The following NELL1 variants were observed in gnomAD, a reference collection of about 807,000 sequenced individuals.
The protein encoded by NELL1 is protein kinase C-binding protein NELL1.
Under a neutral mutation model 107.4 loss-of-function variants are expected in NELL1, and 76 were observed. The observed-to-expected ratio is 0.71, with a 90% CI of 0.59 to 0.86. NELL1 has a LOEUF of 0.86. Ranked by LOEUF, NELL1 falls within the 40% of genes least tolerant of loss-of-function variation. The pLI, the probability that NELL1 is intolerant of heterozygous loss-of-function variation, is 0.00. For synonymous variants in NELL1, 353 were observed against 341.2 expected (o/e 1.03, Z -0.38); for missense variants, 1,024 against 1,005.5 (o/e 1.02, Z -0.25).
intron 15 of NELL1, among the ~76,000 whole-genome samples, chr11:21,485,685 A>G (rs1854610071): frequency 2.0e-5 from 3 of 151,772 alleles, no homozygotes; most frequent in African/African-American, 7.3e-5. Flanking sequence ...TCTGCAGCAC[A>G]GTCACCACTG....
intron 9 of NELL1, among the ~76,000 whole-genome samples, chr11:20,936,548 T>C (rs1036948142): frequency 5.3e-5 from 8 of 152,202 alleles, no homozygotes; most frequent in Admixed American, 3.9e-4. Flanking sequence ...GCCTTTCAGA[T>C]CTTGCCCCTC....
chr11:21,450,806 T>A lies in NELL1; in HGVS notation c.1645+79858T>A, dbSNP rs1382598201. Among the ~76,000 whole-genome samples, 4 of 150,786 alleles carry A rather than the reference T, an allele frequency of 2.7e-5. No individual in the cohort carries two copies. The East Asian group carries it at 7.7e-4, about 29-fold the overall frequency. ...AATAGTCCCTTTCTTAACATTAATA[T>A]AATATTTTTTTCTGTTTTTTTAATG... is the stretch of plus-strand genomic sequence containing the variant. On this transcript the variant is annotated intron_variant, in intron 15 of 19. Coordinates refer to ENST00000357134, the MANE Select transcript of NELL1 (RefSeq NM_006157.5).
chr11:21,093,639 A>G (rs369438911), intron 12 of NELL1, among the ~76,000 whole-genome samples: 1 of 152,236 alleles, frequency 6.6e-6, no homozygotes, highest in African/African-American at 2.4e-5. Flanking sequence ...AGTTCCATGT[A>G]GCTGGGGAAG....
chr11:21,568,325 G>C (rs75396024), intron 17 of NELL1, among the ~76,000 whole-genome samples: 7,383 of 151,854 alleles, frequency 0.049, 588 homozygotes, highest in African/African-American at 0.17. Context: ...GGAGCTTACG[G>C]GACTAGCAGT....
chr11:20,945,412 G>A lies in NELL1; in HGVS notation c.1072-1924G>A, dbSNP rs568136671. On this transcript the variant is annotated intron_variant, in intron 10 of 19. Coordinates refer to ENST00000357134, the MANE Select transcript of NELL1 (RefSeq NM_006157.5). ...GTTGTAGAACTTGCATGTAACTTCC[G>A]GCTCTCTGCATGGGCAAAATGGCTC... 8.5e-5 allele frequency among the ~76,000 whole-genome samples: 13 copies of A among 152,290 alleles called. No individual in the cohort carries two copies. In the South Asian group the frequency reaches 1.2e-3, roughly 15 times the overall value.
chr11:20,895,000 G>A (rs1205338871), intron 5 of NELL1, among the ~76,000 whole-genome samples: 2 of 150,742 alleles, frequency 1.3e-5, no homozygotes, highest in Middle Eastern at 3.4e-3. Flanking sequence ...GGCCGGGCGC[G>A]GTGGCTCACG....
intron 15 of NELL1, among the ~76,000 whole-genome samples, chr11:21,495,928 T>C (rs1021772377): frequency 6.6e-6 from 1 of 152,074 alleles, no homozygotes; most frequent in Non-Finnish European, 1.5e-5. Context: ...ATATATGAGC[T>C]GCTCTGTGAC....
rs540136769 is a variant in NELL1, at chr11:21,533,758, C to T, written c.1646-616C>T. Among the ~76,000 whole-genome samples, 348 of 152,200 alleles carry T rather than the reference C, an allele frequency of 2.3e-3. 1 individual carries two copies. Among genetic ancestry groups the T allele is most frequent in the Non-Finnish European group, 2.4e-3 (163 of 68,014 alleles). On this transcript the variant is annotated intron_variant, in intron 15 of 19. Coordinates refer to ENST00000357134, the MANE Select transcript of NELL1 (RefSeq NM_006157.5). ...ATCCATAGTTTTAAAAGAAATAGAACGATAGTTCCCAAACTGTGTTCCCCA... is the reference window on the plus strand; with the variant it reads ...ATCCATAGTTTTAAAAGAAATAGAATGATAGTTCCCAAACTGTGTTCCCCA...
chr11:20,834,135 A>G (rs1191035025), intron 3 of NELL1, among the ~76,000 whole-genome samples: 4 of 152,200 alleles, frequency 2.6e-5, no homozygotes, highest in African/African-American at 4.8e-5. Flanking sequence ...AGGAATCTAT[A>G]TAGTTGCTAG....
intron 11 of NELL1, among the ~76,000 whole-genome samples, chr11:20,948,292 A>T (rs776786304): frequency 2.0e-4 from 30 of 151,926 alleles, no homozygotes; most frequent in Middle Eastern, 3.2e-3. Flanking sequence ...GCCTCAAGCA[A>T]TTCTCCTGTC....
At chr11:20,820,814 G>A (rs990785010) in intron 3 of NELL1, among the ~76,000 whole-genome samples, 1 of 152,142 alleles carries the variant, frequency 6.6e-6, no homozygotes, top group African/African-American at 2.4e-5. Context: ...TTCCTTGATA[G>A]CTGTCTCTAG....
At chr11:21,222,142 T>A (rs1173988731) in intron 13 of NELL1, among the ~76,000 whole-genome samples, 1 of 152,120 alleles carries the variant, frequency 6.6e-6, no homozygotes, top group Non-Finnish European at 1.5e-5. Context: ...AAAAACAAGC[T>A]TTTTGTTTCT....
chr11:21,352,617 A>C (rs1850842750), intron 14 of NELL1, among the ~76,000 whole-genome samples: 1 of 152,178 alleles, frequency 6.6e-6, no homozygotes, highest in Admixed American at 6.5e-5. Context: ...AAATACACAC[A>C]AATAAATTGG....
At position 21,280,154 on chromosome 11, in the gene NELL1, G is replaced by A. The variant is rs143131913; in HGVS notation, c.1549+50700G>A. Among the ~76,000 whole-genome samples the A allele has an allele frequency of 1.2e-4, 18 of 152,178 alleles. No individual in the cohort carries two copies. The East Asian group carries it at 2.9e-3, about 25-fold the overall frequency. ...GGTGGATACCTATCATTATACATTGGTCCAAACCTGTACAATGTAAAATAC... is the reference window on the plus strand; with the variant it reads ...GGTGGATACCTATCATTATACATTGATCCAAACCTGTACAATGTAAAATAC... On this transcript the variant is annotated intron_variant, in intron 14 of 19. Transcript: ENST00000357134.
At chr11:21,352,190 C>A (rs1360394456) in intron 14 of NELL1, among the ~76,000 whole-genome samples, 1 of 152,234 alleles carries the variant, frequency 6.6e-6, no homozygotes, top group East Asian at 1.9e-4. Flanking sequence ...TAAATAGTAA[C>A]CCCTCTACCA....
intron 4 of NELL1, among the ~76,000 whole-genome samples, chr11:20,878,296 T>C (rs1479492331): frequency 6.9e-6 from 1 of 144,466 alleles, no homozygotes; most frequent in Non-Finnish European, 1.5e-5. Flanking sequence ...GAGGTGGAGC[T>C]TGCAGTGAGC....
intron 15 of NELL1, among the ~76,000 whole-genome samples, chr11:21,445,344 G>C (rs1853397319): frequency 6.8e-6 from 1 of 147,522 alleles, no homozygotes; most frequent in African/African-American, 2.4e-5. Context: ...GGGTTTTTTT[G>C]AGATGGAATT....
At chr11:21,145,775 A>G (rs1255537308) in intron 13 of NELL1, among the ~76,000 whole-genome samples, 1 of 152,176 alleles carries the variant, frequency 6.6e-6, no homozygotes. Flanking sequence ...AGTCAGTATC[A>G]GGGTCGTGGG....
intron 13 of NELL1, among the ~76,000 whole-genome samples, chr11:21,130,940 A>G (rs1855601077): frequency 6.6e-6 from 1 of 152,018 alleles, no homozygotes; most frequent in Non-Finnish European, 1.5e-5. Flanking sequence ...GGTGGGCATT[A>G]GTGGGCTGTG....
Sources: gnomAD v4.1 joint callset for allele counts (sites outside exome capture counted in the v4.1 genomes callset) on GRCh38, gnomAD v4.1.1 for gene constraint, MANE v1.5 for transcripts, NCBI Gene and HGNC (gene_info 2026-07-23, HGNC 2026-07-21) for gene names.